The following RGS12 variants were observed in gnomAD, a reference collection of about 807,000 sequenced individuals.
RGS12 encodes regulator of G protein signaling 12.
Under a neutral mutation model 120.1 loss-of-function variants are expected in RGS12, and 66 were observed. That is an observed-to-expected ratio of 0.55 (90% CI 0.45 to 0.67). The LOEUF (loss-of-function observed/expected upper bound fraction) is 0.67, where lower values mean the gene tolerates loss of function less well. RGS12 is among the 30% of genes least tolerant of loss of function. The pLI, the probability that RGS12 is intolerant of heterozygous loss-of-function variation, is 0.00. For synonymous variants in RGS12, 827 were observed against 804.7 expected, an observed-to-expected ratio of 1.03 and a Z score of -0.47; for missense variants, 1,859 against 1,957.7, an observed-to-expected ratio of 0.95 and a Z score of 0.95.
At position 3,414,144 on chromosome 4, in the gene RGS12, T is replaced by TG; in HGVS notation, c.2094dup (p.Gln699AlafsTer8). 6.4e-7 allele frequency: 1 copy of TG among 1,566,582 alleles called. No homozygotes were observed. Among genetic ancestry groups the TG allele is most frequent in the Admixed American group, 1.8e-5 (1 of 54,760 alleles). On this transcript the variant is annotated frameshift_variant, in exon 5 of 18. Transcript: ENST00000336727. LOFTEE classifies it high-confidence loss of function. ...AGCAGCAATGCCAGCCTCCCCAGCG[T>TG]GCAGAGCTGCCGGCGCCTGCGTGAG...
chr4:3,308,649 G>A (rs1578689509), intron 1 of RGS12, among the ~76,000 whole-genome samples: 1 of 152,234 alleles, frequency 6.6e-6, no homozygotes, highest in African/African-American at 2.4e-5. Context: ...GTGTCTGGTG[G>A]CAGATTCTCA....
chr4:3,432,071 CT>C, intron 17 of RGS12: 1 of 985,462 alleles, frequency 1.0e-6, no homozygotes, highest in South Asian at 4.7e-5. Context: ...GCCTCCACCC[CT>C]GGCCTGAGTC....
intron 3 of RGS12, among the ~76,000 whole-genome samples, chr4:3,351,216 AC>A (rs201324679): frequency 0.042 from 6,324 of 152,160 alleles, 203 homozygotes; most frequent in Admixed American, 0.091. Flanking sequence ...TTAAAAAAAA[AC>A]AACAAAATTT....
chr4:3,355,652 G>A (rs535587451), intron 3 of RGS12, among the ~76,000 whole-genome samples: 4 of 151,456 alleles, frequency 2.6e-5, no homozygotes, highest in Admixed American at 6.7e-5. Flanking sequence ...AAAGTTAGCC[G>A]GGTATGGTGG....
rs554263631 is a variant in RGS12, at chr4:3,433,744, C to G, written c.4114+2789C>G. ...CACCGCCCCATGCTTCTAGCCCCAGCGCCACACGCCACGCGGCACTCCACC... is the reference window on the plus strand; with the variant it reads ...CACCGCCCCATGCTTCTAGCCCCAGGGCCACACGCCACGCGGCACTCCACC... On this transcript the variant is annotated intron_variant, in intron 17 of 17. Transcript: ENST00000336727. This position sits in a 1 kb window ranked among gnomAD's most constrained non-coding sequence, Gnocchi z 4.4. 6.6e-6 allele frequency among the ~76,000 whole-genome samples: 1 copy of G among 152,080 alleles called. No individual in the cohort carries two copies. The highest frequency in any genetic ancestry group is 2.4e-5 in the African/African-American group (1 of 41,392).
intron 1 of RGS12, among the ~76,000 whole-genome samples, chr4:3,308,492 C>T (rs776394462): frequency 4.6e-5 from 7 of 152,168 alleles, no homozygotes; most frequent in African/African-American, 1.7e-4. Context: ...CTTATTTCCG[C>T]GGGCGGCTGG....
rs922684476 is a variant in RGS12, at chr4:3,316,899, G to T, written c.729G>T (p.Thr243=). Residue 243 remains threonine (T), a synonymous_variant, in exon 2 of 18, where the codon ACG becomes ACT. Transcript: ENST00000336727. ...TAGGCTCCATTGAGCTTCCTTCCAC[G>T]AGCTCCAACCTGGAGTCCGACAGCT... ...GYLGSIELPS[T]SSNLESDSLQ... The T allele has an allele frequency of 6.2e-7, 1 of 1,613,980 alleles. No individual in the cohort carries two copies. The highest frequency in any genetic ancestry group is 8.5e-7 in the Non-Finnish European group (1 of 1,180,056).
chr4:3,303,514 G>A (rs1268742042), intron 1 of RGS12, among the ~76,000 whole-genome samples: 3 of 151,694 alleles, frequency 2.0e-5, no homozygotes, highest in Non-Finnish European at 4.4e-5. Context: ...ATGGACTCTG[G>A]GTCCTTGGAG....
chr4:3,427,285 C>T (rs1723759155), intron 14 of RGS12, among the ~76,000 whole-genome samples: 1 of 152,224 alleles, frequency 6.6e-6, no homozygotes, highest in Non-Finnish European at 1.5e-5. Context: ...CAGGCAAGTC[C>T]TGTGGTGGAG....
chr4:3,382,064 G>A (rs182872001), intron 3 of RGS12, among the ~76,000 whole-genome samples: 1 of 152,292 alleles, frequency 6.6e-6, no homozygotes, highest in Non-Finnish European at 1.5e-5. Context: ...TTCAAGGGCG[G>A]TTGACTGCTG....
At chr4:3,308,662 C>T (rs1237464463) in intron 1 of RGS12, among the ~76,000 whole-genome samples, 1 of 152,182 alleles carries the variant, frequency 6.6e-6, no homozygotes, top group African/African-American at 2.4e-5. Context: ...GATTCTCATG[C>T]CTTTGTGTGA....
At chr4:3,305,362 C>T (rs1185750243) in intron 1 of RGS12, among the ~76,000 whole-genome samples, 1 of 152,156 alleles carries the variant, frequency 6.6e-6, no homozygotes, top group Non-Finnish European at 1.5e-5. Context: ...TCACTGTGCA[C>T]CTGCTGGTCC....
At chr4:3,363,792 G>C (rs1715988622) in intron 3 of RGS12, among the ~76,000 whole-genome samples, 1 of 152,176 alleles carries the variant, frequency 6.6e-6, no homozygotes, top group Admixed American at 6.5e-5. Flanking sequence ...AAGGGAGGCA[G>C]ACAGAACCCC....
At chr4:3,388,732 G>A (rs1463262079) in intron 4 of RGS12, among the ~76,000 whole-genome samples, 1 of 152,246 alleles carries the variant, frequency 6.6e-6, no homozygotes, top group Non-Finnish European at 1.5e-5. Context: ...TGCCCTCCAC[G>A]GCAGTGACAG....
chr4:3,302,580 G>T (rs1341858721), intron 1 of RGS12, among the ~76,000 whole-genome samples: 1 of 152,242 alleles, frequency 6.6e-6, no homozygotes, highest in Non-Finnish European at 1.5e-5. Flanking sequence ...TACAGAAGTG[G>T]TTCCTCCTGC....
At chr4:3,336,745 A>G (rs1026065186) in intron 2 of RGS12, among the ~76,000 whole-genome samples, 1 of 152,248 alleles carries the variant, frequency 6.6e-6, no homozygotes, top group African/African-American at 2.4e-5. Flanking sequence ...TAAAAACTCT[A>G]CACATTAAAA....
At position 3,430,767 on chromosome 4, in the gene RGS12, C is replaced by A. The variant is rs774020891; in HGVS notation, c.3926C>A (p.Ala1309Glu). The A allele has an allele frequency of 1.9e-6, 3 of 1,610,340 alleles. No individual in the cohort carries two copies. Among genetic ancestry groups the A allele is most frequent in the Non-Finnish European group, 8.5e-7 (1 of 1,178,544 alleles). The change falls in exon 17 of 18, where the codon GCG (alanine) becomes GAG (glutamate). Residue 1309 changes from alanine to glutamate, a missense_variant. Physicochemically the swap from Ala to Glu is moderately radical, Grantham distance 107. Coordinates refer to ENST00000336727, the MANE Select transcript of RGS12 (RefSeq NM_001394154.1). ...FCTPQSPVSL[A>E]QEGTAQIWKR... ...ACTCCCCAGTCCCCCGTCTCCCTCG[C>A]GCAGGAGGGCACCGCCCAGATCTGG...
At chr4:3,384,662 G>A (rs1267222662) in intron 3 of RGS12, among the ~76,000 whole-genome samples, 1 of 152,230 alleles carries the variant, frequency 6.6e-6, no homozygotes, top group Non-Finnish European at 1.5e-5. Flanking sequence ...GCCAATGAGA[G>A]GACAGTGAAG....
intron 2 of RGS12, among the ~76,000 whole-genome samples, chr4:3,326,281 C>G (rs1257894819): frequency 6.6e-6 from 1 of 152,196 alleles, no homozygotes; most frequent in African/African-American, 2.4e-5. Context: ...AAGTCTCGCT[C>G]TGTCACCCAG....
Sources: allele counts gnomAD v4.1 joint callset (sites outside exome capture counted in the v4.1 genomes callset), GRCh38; gene constraint gnomAD v4.1.1; non-coding constraint Gnocchi (gnomAD v3.1); transcripts MANE v1.5; gene names NCBI Gene and HGNC (gene_info 2026-07-23, HGNC 2026-07-21).